Variants in LRRC8D observed in about 807,000 individuals in gnomAD.
The protein encoded by LRRC8D is volume-regulated anion channel subunit LRRC8D.
In LRRC8D, 20 loss-of-function variants were observed where a neutral mutation model predicts 55.8. The observed-to-expected ratio is 0.36, with a 90% confidence interval of 0.25 to 0.52. The LOEUF (loss-of-function observed/expected upper bound fraction) is 0.52, where lower values mean the gene tolerates loss of function less well. Ranked by LOEUF, LRRC8D falls within the 20% of genes least tolerant of loss-of-function variation. The probability of loss-of-function intolerance (pLI) is 0.93; values close to 1 mark genes in which losing one functional copy is unlikely to be tolerated. For missense variants in LRRC8D, 651 were observed against 1,030.8 expected, an observed-to-expected ratio of 0.63 and a Z score of 5.05; for synonymous variants, 352 against 377.0, an observed-to-expected ratio of 0.93 and a Z score of 0.77.
intron 2 of LRRC8D, chr1:89,929,715 G>T (rs191990050): frequency 6.6e-6 from 1 of 150,602 alleles, no homozygotes; most frequent in African/African-American, 2.4e-5. Flanking sequence ...AAGCTAGATG[G>T]TGTGTGTGTG....
chr1:89,865,145 C>T (rs532514608), intron 2 of LRRC8D, among the ~76,000 whole-genome samples: 1 of 152,058 alleles, frequency 6.6e-6, no homozygotes, highest in Non-Finnish European at 1.5e-5. Context: ...TATCCCAATA[C>T]CCAGCACACA....
chr1:89,838,316 A>G (rs1002118568), intron 1 of LRRC8D, among the ~76,000 whole-genome samples: 1 of 152,158 alleles, frequency 6.6e-6, no homozygotes, highest in African/African-American at 2.4e-5. Context: ...ACAAGGCTAC[A>G]GTGAGCTGAG....
chr1:89,896,558 G>C (rs971438705), intron 2 of LRRC8D, among the ~76,000 whole-genome samples: 1 of 152,120 alleles, frequency 6.6e-6, no homozygotes, highest in African/African-American at 2.4e-5. Context: ...GGGGTGTTCA[G>C]GCCGAGGGTA....
chr1:89,896,498 C>CA (rs1557473098), intron 2 of LRRC8D, among the ~76,000 whole-genome samples: 1 of 152,134 alleles, frequency 6.6e-6, no homozygotes, highest in African/African-American at 2.4e-5. Context: ...GAGAAATACA[C>CA]ACAGTGGCTT....
At chr1:89,845,145 A>C (rs1221074697) in intron 2 of LRRC8D, among the ~76,000 whole-genome samples, 6 of 152,226 alleles carry the variant, frequency 3.9e-5, no homozygotes. Context: ...TGGGATGCTG[A>C]CTATAGCATT....
Position 89,823,667 on chromosome 1 carries a change from G to A in LRRC8D, c.-148+2376G>A, listed in dbSNP as rs1660695006. On this transcript the variant is annotated intron_variant, in intron 1 of 2. Transcript: ENST00000337338. ...AGAAACACCAGTTAATATTTGTTGA[G>A]TGCCAGCAGGAAGCAGAGAACTGGA... 5.9e-5 allele frequency among the ~76,000 whole-genome samples: 9 copies of A among 152,226 alleles called. No homozygotes were observed. In the South Asian group the frequency reaches 1.4e-3, roughly 25 times the overall value.
chr1:89,862,403 G>A (rs1056736133), intron 2 of LRRC8D, among the ~76,000 whole-genome samples: 2 of 152,068 alleles, frequency 1.3e-5, no homozygotes, highest in African/African-American at 4.8e-5. Context: ...TAATGAAAAA[G>A]TTATTGTTCT....
At chr1:89,921,528 GTTTGTTTTGT>G (rs544595128) in intron 2 of LRRC8D, among the ~76,000 whole-genome samples, 8 of 149,470 alleles carry the variant, frequency 5.4e-5, no homozygotes, top group African/African-American at 1.2e-4. Context: ...TTTTTTGTTT[GTTTGTTTTGT>G]TTTGTTTTGT....
At chr1:89,845,177 T>C (rs1441933570) in intron 2 of LRRC8D, among the ~76,000 whole-genome samples, 1 of 152,180 alleles carries the variant, frequency 6.6e-6, no homozygotes, top group African/African-American at 2.4e-5. Flanking sequence ...AATTTTATCA[T>C]AAAACATATT....
At chr1:89,878,985 A>AAT in intron 2 of LRRC8D, among the ~76,000 whole-genome samples, 1 of 151,140 alleles carries the variant, frequency 6.6e-6, no homozygotes, top group African/African-American at 2.4e-5. Flanking sequence ...AAAAAAAAAA[A>AAT]GTCTCTAATG....
At chr1:89,846,181 G>C (rs1257185432) in intron 2 of LRRC8D, among the ~76,000 whole-genome samples, 1 of 152,122 alleles carries the variant, frequency 6.6e-6, no homozygotes, top group Non-Finnish European at 1.5e-5. Context: ...AGATACAGTA[G>C]AACAGCTTTT....
chr1:89,905,449 A>T (rs1292382919), intron 2 of LRRC8D, among the ~76,000 whole-genome samples: 1 of 152,190 alleles, frequency 6.6e-6, no homozygotes, highest in Non-Finnish European at 1.5e-5. Flanking sequence ...ATATATCTTT[A>T]ATAAATATTC....
intron 2 of LRRC8D, among the ~76,000 whole-genome samples, chr1:89,856,128 A>T (rs747124166): frequency 6.6e-6 from 1 of 152,170 alleles, no homozygotes; most frequent in East Asian, 1.9e-4. Context: ...ATATACAGCA[A>T]TGGAAAATAG....
At chr1:89,885,253 A>G (rs1300308968) in intron 2 of LRRC8D, among the ~76,000 whole-genome samples, 1 of 152,200 alleles carries the variant, frequency 6.6e-6, no homozygotes, top group African/African-American at 2.4e-5. Context: ...CCTTAGACAT[A>G]GAATGAACTC....
At chr1:89,910,612 G>A (rs544486105) in intron 2 of LRRC8D, among the ~76,000 whole-genome samples, 1 of 151,956 alleles carries the variant, frequency 6.6e-6, no homozygotes, top group Admixed American at 6.6e-5. Context: ...AGCTGAGGGG[G>A]CAGGTATGGG....
intron 2 of LRRC8D, among the ~76,000 whole-genome samples, chr1:89,908,101 GTGATGATGA>G (rs370191942): frequency 3.3e-5 from 5 of 151,988 alleles, no homozygotes; most frequent in Non-Finnish European, 7.4e-5. Flanking sequence ...ATTCATAATA[GTGATGATGA>G]TGATGATGAT....
chr1:89,888,603 C>T (rs1019764602), intron 2 of LRRC8D, among the ~76,000 whole-genome samples: 6 of 152,320 alleles, frequency 3.9e-5, no homozygotes, highest in African/African-American at 1.4e-4. Flanking sequence ...ATCTTGGTTT[C>T]TAATACCATT....
At chr1:89,890,397 G>A (rs574786705) in intron 2 of LRRC8D, among the ~76,000 whole-genome samples, 1 of 152,118 alleles carries the variant, frequency 6.6e-6, no homozygotes, top group South Asian at 2.1e-4. Context: ...ACATTTTCCT[G>A]GTTACAGCCA....
chr1:89,884,077 C>T (rs1447391264), intron 2 of LRRC8D, among the ~76,000 whole-genome samples: 3 of 152,202 alleles, frequency 2.0e-5, no homozygotes, highest in Non-Finnish European at 4.4e-5. Context: ...TTCATGTTAA[C>T]CTTTTTTTCC....
Sources: gnomAD v4.1 joint callset for allele counts (sites outside exome capture counted in the v4.1 genomes callset) on GRCh38, gnomAD v4.1.1 for gene constraint, MANE v1.5 for transcripts, NCBI Gene and HGNC (gene_info 2026-07-23, HGNC 2026-07-21) for gene names.